CAMK4: variants seen among roughly 807,000 people sequenced by gnomAD.
CAMK4 encodes calcium/calmodulin-dependent protein kinase type IV.
A neutral mutation model predicts 44.9 loss-of-function variants in CAMK4; 22 were observed. The observed-to-expected ratio is 0.49, with a 90% CI of 0.35 to 0.70. CAMK4 has a LOEUF of 0.70. CAMK4 is among the 30% of genes least tolerant of loss of function. The pLI is 0.01. For missense variants in CAMK4, 498 were observed against 586.8 expected, an observed-to-expected ratio of 0.85 and a Z score of 1.56; for synonymous variants, 218 against 215.4, an observed-to-expected ratio of 1.01 and a Z score of -0.11.
At chr5:111,480,287 C>CACACACAT (rs1229847986) in intron 9 of CAMK4, among the ~76,000 whole-genome samples, 3 of 149,056 alleles carry the variant, frequency 2.0e-5, no homozygotes, top group African/African-American at 7.7e-5. Flanking sequence ...CACACACACA[C>CACACACAT]ACCCCTGGGT....
intron 5 of CAMK4, among the ~76,000 whole-genome samples, chr5:111,431,047 C>A (rs928618565): frequency 1.6e-4 from 25 of 151,980 alleles, no homozygotes; most frequent in African/African-American, 6.0e-4. Context: ...AACAAAAAAA[C>A]CACCTGGAGG....
At chr5:111,294,203 A>T (rs1747394494) in intron 1 of CAMK4, among the ~76,000 whole-genome samples, 1 of 152,238 alleles carries the variant, frequency 6.6e-6, no homozygotes, top group Non-Finnish European at 1.5e-5. Context: ...ATGAAATAAA[A>T]ATAATAGCCC....
rs1380917156 is a variant in CAMK4, at chr5:111,402,727, A to G, written c.459+7945A>G. Among the ~76,000 whole-genome samples the G allele has an allele frequency of 2.0e-5, 3 of 152,212 alleles. No homozygotes were observed. The East Asian group carries it at 5.8e-4, about 29-fold the overall frequency. On this transcript the variant is annotated intron_variant, in intron 5 of 10. Transcript: ENST00000282356. Reference sequence around the variant, plus strand: ...AGTTTGCTCATGAGTTTTGGGAAAAATTTTCCCTTAGTAAAGGAGACTCAA... The same window carrying G: ...AGTTTGCTCATGAGTTTTGGGAAAAGTTTTCCCTTAGTAAAGGAGACTCAA...
At chr5:111,312,898 CT>C (rs148427569) in intron 1 of CAMK4, among the ~76,000 whole-genome samples, 6 of 152,100 alleles carry the variant, frequency 3.9e-5, no homozygotes, top group African/African-American at 1.4e-4. Context: ...TGCGGCCCTC[CT>C]TTTTTGTCTT....
intron 7 of CAMK4, among the ~76,000 whole-genome samples, chr5:111,469,597 A>G (rs1193340431): frequency 1.3e-5 from 2 of 152,178 alleles, no homozygotes; most frequent in Non-Finnish European, 2.9e-5. Flanking sequence ...GGGAGCTATT[A>G]GCAGTGCCTA....
Position 111,273,714 on chromosome 5 carries a change from TATATACAC to T in CAMK4, c.161+49072_161+49079del, listed in dbSNP as rs1264998473. On this transcript the variant is annotated intron_variant, in intron 1 of 10. Transcript: ENST00000282356. Reference sequence around the variant, plus strand: ...ATATATATATATATATATATATATATATATACACACACATACATACACACACACACGCT... The same window carrying T: ...ATATATATATATATATATATATATATACACATACATACACACACACACGCT... Among the ~76,000 whole-genome samples, 449 of 56,994 alleles carry T rather than the reference TATATACAC, an allele frequency of 7.9e-3. 19 individuals are homozygous for T. Among genetic ancestry groups the T allele is most frequent in the African/African-American group, 0.019 (147 of 7,750 alleles). 37.4% of individuals were successfully genotyped at this position (56,994 alleles called of 152,430 possible). A position where few individuals can be genotyped will look rare whatever the true frequency, so the allele number is the denominator to read the frequency against.
chr5:111,240,306 TAAAA>T (rs60517832), intron 1 of CAMK4, among the ~76,000 whole-genome samples: 1 of 143,016 alleles, frequency 7.0e-6, no homozygotes. Flanking sequence ...TTTAACAATC[TAAAA>T]AAAAAAAAAC....
rs188193335 is a variant in CAMK4, at chr5:111,427,878, G to A, written c.460-18808G>A. The stretch of plus-strand genomic sequence containing the variant: ...CACATGCTGATTGTAGAGCCCCAGG[G>A]CCTTGAGTGAATGTAGGCGGTAGCC... On this transcript the variant is annotated intron_variant, in intron 5 of 10. Transcript: ENST00000282356. Among the ~76,000 whole-genome samples the A allele has an allele frequency of 4.1e-4, 62 of 152,364 alleles. 1 individual carries two copies. The East Asian group carries it at 0.012, about 29-fold the overall frequency.
At chr5:111,266,635 T>C (rs1056041136) in intron 1 of CAMK4, among the ~76,000 whole-genome samples, 8 of 152,234 alleles carry the variant, frequency 5.3e-5, no homozygotes, top group Admixed American at 3.3e-4. Context: ...CACCAACACA[T>C]GTATAGACAT....
At chr5:111,302,336 G>C (rs1204614941) in intron 1 of CAMK4, 2 of 150,408 alleles carry the variant, frequency 1.3e-5, no homozygotes, top group African/African-American at 4.9e-5. Context: ...TGAGGTACCG[G>C]GTTCATCTCA....
intron 1 of CAMK4, among the ~76,000 whole-genome samples, chr5:111,259,424 C>T (rs917120724): frequency 4.6e-5 from 7 of 152,118 alleles, no homozygotes; most frequent in Non-Finnish European, 1.0e-4. Context: ...GATTTTAACC[C>T]AAGTTCCCTG....
chr5:111,257,827 C>T (rs1378580669), intron 1 of CAMK4, among the ~76,000 whole-genome samples: 2 of 152,106 alleles, frequency 1.3e-5, no homozygotes, highest in African/African-American at 4.8e-5. Flanking sequence ...TAAAAAGGAA[C>T]AAGATCATGT....
intron 7 of CAMK4, among the ~76,000 whole-genome samples, chr5:111,469,266 CA>C (rs1334773078): frequency 2.1e-5 from 3 of 141,668 alleles, no homozygotes; most frequent in African/African-American, 5.3e-5. Context: ...TGTTTCACCC[CA>C]TTTTTTTATG....
chr5:111,242,153 C>A (rs1293950946), intron 1 of CAMK4, among the ~76,000 whole-genome samples: 1 of 152,116 alleles, frequency 6.6e-6, no homozygotes, highest in East Asian at 1.9e-4. Flanking sequence ...TACATGTTAC[C>A]CCCATTTGCT....
chr5:111,478,413 G>C lies in CAMK4; in HGVS notation c.734G>C (p.Arg245Thr), dbSNP rs1755320261. ...LCGFEPFYDE[R>T]GDQFMFRRIL... The stretch of plus-strand genomic sequence containing the variant: ...GGATTTGAACCATTCTATGATGAAA[G>C]AGGCGATCAGTTCATGTTCAGGAGA... Residue 245 changes from arginine to threonine, a missense_variant, in exon 9 of 11, where the codon AGA becomes ACA. By Grantham distance (71) the Arg-to-Thr change is moderately conservative. Around this residue, in one of 3 missense-constraint regions of CAMK4, gnomAD observed 203 missense variants for 298.2 expected, o/e 0.68. Transcript: ENST00000282356. 1.3e-6 allele frequency: 2 copies of C among 1,575,274 alleles called. No individual in the cohort carries two copies. The highest frequency in any genetic ancestry group is 1.7e-6 in the Non-Finnish European group (2 of 1,148,614).
At position 111,236,994 on chromosome 5, in the gene CAMK4, G is replaced by A. The variant is rs554387807; in HGVS notation, c.161+12350G>A. 5.3e-5 allele frequency among the ~76,000 whole-genome samples: 8 copies of A among 152,190 alleles called. No individual in the cohort carries two copies. The East Asian group carries it at 1.3e-3, about 26-fold the overall frequency. On this transcript the variant is annotated intron_variant, in intron 1 of 10. Coordinates refer to ENST00000282356, the MANE Select transcript of CAMK4 (RefSeq NM_001744.6). ...TTCTTCAGGATGTTTTTTTCTATAC[G>A]AACCCACTTCTAAACTAGCACACCG...
intron 4 of CAMK4, among the ~76,000 whole-genome samples, chr5:111,393,409 CA>C (rs1482284197): frequency 6.6e-6 from 1 of 152,154 alleles, no homozygotes; most frequent in African/African-American, 2.4e-5. Flanking sequence ...CCTCTAGAAT[CA>C]AATGTGATTC....
At chr5:111,359,957 A>G (rs1200791009) in intron 2 of CAMK4, among the ~76,000 whole-genome samples, 1 of 152,230 alleles carries the variant, frequency 6.6e-6, no homozygotes, top group East Asian at 1.9e-4. Context: ...AGCAGATCCA[A>G]GATTATCATC....
intron 5 of CAMK4, among the ~76,000 whole-genome samples, chr5:111,435,120 G>T (rs1183331762): frequency 6.6e-6 from 1 of 152,154 alleles, no homozygotes; most frequent in Non-Finnish European, 1.5e-5. Context: ...TTTTAAAAGG[G>T]AATTTGAGAT....
Sources: gnomAD v4.1 joint callset for allele counts (sites outside exome capture counted in the v4.1 genomes callset) on GRCh38, gnomAD v4.1.1 for gene constraint, gnomAD v4.1.1 regional missense constraint, MANE v1.5 for transcripts, NCBI Gene and HGNC (gene_info 2026-07-23, HGNC 2026-07-21) for gene names.